CCDC3: variants seen among roughly 807,000 people sequenced by gnomAD.
CCDC3 encodes the protein coiled-coil domain containing 3.
A neutral mutation model predicts 21.4 loss-of-function variants in CCDC3; 24 were observed. That is an observed-to-expected ratio of 1.12 (90% CI 0.81 to 1.58). CCDC3 has a LOEUF of 1.58. Among genes scored for constraint, CCDC3 ranks in the 40% most tolerant of loss-of-function variants. The pLI is 0.00. For synonymous variants in CCDC3, 186 were observed against 166.0 expected (o/e 1.12, Z -0.93); for missense variants, 425 against 360.9 (o/e 1.18, Z -1.44).
At chr10:13,055,336 CTT>C (rs111754885) in intron 4 of CCDC3, among the ~76,000 whole-genome samples, 1 of 145,736 alleles carries the variant, frequency 6.9e-6, no homozygotes, top group Non-Finnish European at 1.5e-5. Context: ...GAATCCACTT[CTT>C]TTTTTTTTTT....
chr10:12,987,938 T>C (rs1047224123), intron 2 of CCDC3, among the ~76,000 whole-genome samples: 1 of 152,142 alleles, frequency 6.6e-6, no homozygotes, highest in Non-Finnish European at 1.5e-5. Flanking sequence ...GTTCCAGTGG[T>C]TTCCCAACTG....
At chr10:13,075,765 C>T (rs1349964489) in intron 3 of CCDC3, among the ~76,000 whole-genome samples, 2 of 152,008 alleles carry the variant, frequency 1.3e-5, no homozygotes, top group African/African-American at 2.4e-5. Context: ...TGTGGGTAGG[C>T]GCACGGGCAT....
rs1253345264 is a variant in CCDC3, at chr10:13,090,087, C to G, written c.-503+8438G>C. 2.5e-5 allele frequency among the ~76,000 whole-genome samples: 3 copies of G among 117,910 alleles called. No homozygotes were observed. In the South Asian group the frequency reaches 8.4e-4, roughly 33 times the overall value. 77.4% of individuals were successfully genotyped at this position (117,910 alleles called of 152,430 possible). A position where few individuals can be genotyped will look rare whatever the true frequency, so the allele number is the denominator to read the frequency against. ...TATATATATATATATATCACCGTTTCTTTCTTTTTTTTTTTTTTTTGTGTC... is the reference window on the plus strand; with the variant it reads ...TATATATATATATATATCACCGTTTGTTTCTTTTTTTTTTTTTTTTGTGTC... On this transcript the variant is annotated intron_variant, in intron 3 of 6. Transcript: ENST00000378839.
At chr10:12,953,384 C>A (rs1364522190) in intron 2 of CCDC3, among the ~76,000 whole-genome samples, 3 of 152,176 alleles carry the variant, frequency 2.0e-5, no homozygotes, top group Non-Finnish European at 2.9e-5. Flanking sequence ...CCCTATCAGA[C>A]CCCCTCCCGC....
chr10:12,985,878 T>G (rs899346378), intron 2 of CCDC3, among the ~76,000 whole-genome samples: 1 of 152,112 alleles, frequency 6.6e-6, no homozygotes, highest in Admixed American at 6.5e-5. Context: ...CATCGAGTTT[T>G]TTATTTGTTT....
intron 2 of CCDC3, among the ~76,000 whole-genome samples, chr10:12,901,372 C>T (rs745476275): frequency 1.3e-5 from 2 of 152,084 alleles, no homozygotes; most frequent in African/African-American, 2.4e-5. Context: ...CGGGTTCAAG[C>T]GATTCTCCTG....
intron 2 of CCDC3, among the ~76,000 whole-genome samples, chr10:12,966,491 G>C (rs1835265026): frequency 6.6e-6 from 1 of 152,080 alleles, no homozygotes. Flanking sequence ...TTGCAAACAG[G>C]AACAAAGCAT....
chr10:13,072,381 T>G (rs1035208630), intron 4 of CCDC3, among the ~76,000 whole-genome samples: 4 of 152,152 alleles, frequency 2.6e-5, no homozygotes, highest in Non-Finnish European at 4.4e-5. Flanking sequence ...CTAACCGCCG[T>G]TGGATGTACT....
chr10:13,079,927 A>G (rs1293531173), intron 3 of CCDC3, among the ~76,000 whole-genome samples: 3 of 152,226 alleles, frequency 2.0e-5, no homozygotes, highest in Non-Finnish European at 4.4e-5. Context: ...TAAAAAAAGA[A>G]AGGGAACTCA....
intron 5 of CCDC3, among the ~76,000 whole-genome samples, chr10:13,039,036 G>A (rs957162914): frequency 3.3e-5 from 5 of 152,222 alleles, no homozygotes; most frequent in African/African-American, 4.8e-5. Flanking sequence ...AAAATATCTC[G>A]GAGAGCTCAA....
At chr10:13,073,538 G>C (rs955549066) in intron 4 of CCDC3, among the ~76,000 whole-genome samples, 3 of 110,404 alleles carry the variant, frequency 2.7e-5, no homozygotes, top group African/African-American at 8.4e-5. Context: ...ATCTCACTCT[G>C]TCACCCAGGC....
upstream of CCDC3, among the ~76,000 whole-genome samples, chr10:13,002,875 T>A (rs1222504189): frequency 6.6e-6 from 1 of 152,216 alleles, no homozygotes; most frequent in African/African-American, 2.4e-5. Flanking sequence ...ACCTTCTCAC[T>A]GTGTCCTCAC....
At chr10:13,006,351 T>C (rs574508838), upstream of CCDC3, among the ~76,000 whole-genome samples, 1 of 152,324 alleles carries the variant, frequency 6.6e-6, no homozygotes, top group African/African-American at 2.4e-5. Context: ...CCAGGAAAGA[T>C]ACTACATCTA....
Position 13,082,731 on chromosome 10 carries a change from C to T in CCDC3, c.-502-8631G>A, listed in dbSNP as rs187735043. On this transcript the variant is annotated intron_variant, in intron 3 of 6. Coordinates refer to the CCDC3 transcript ENST00000378839. ...CAAGGAGCCCTCTAGTGGCCCTATC[C>T]GGGCGTGACAGAGGGCTCACACTTG... Among the ~76,000 whole-genome samples, 13 of 152,356 alleles carry T rather than the reference C, an allele frequency of 8.5e-5. No homozygotes were observed. The East Asian group carries it at 1.5e-3, about 18-fold the overall frequency.
intron 2 of CCDC3, among the ~76,000 whole-genome samples, chr10:12,916,707 C>A (rs185659267): frequency 6.4e-4 from 97 of 152,318 alleles, no homozygotes; most frequent in Middle Eastern, 3.4e-3. Flanking sequence ...GTGGACCAAC[C>A]TGGCTCACAT....
At chr10:13,050,196 TG>T (rs1287001120) in intron 4 of CCDC3, among the ~76,000 whole-genome samples, 1 of 152,058 alleles carries the variant, frequency 6.6e-6, no homozygotes, top group African/African-American at 2.4e-5. Context: ...GGTGTGGAAT[TG>T]GGGGCAGGGC....
chr10:12,972,449 C>T (rs190198068), intron 2 of CCDC3, among the ~76,000 whole-genome samples: 13 of 152,274 alleles, frequency 8.5e-5, no homozygotes, highest in Admixed American at 7.2e-4. Context: ...CACCCTCCTA[C>T]TACCTACCAA....
At chr10:12,989,404 CATTA>C (rs1403150084) in intron 2 of CCDC3, among the ~76,000 whole-genome samples, 1 of 152,282 alleles carries the variant, frequency 6.6e-6, no homozygotes, top group East Asian at 1.9e-4. Flanking sequence ...TTCATTCATT[CATTA>C]CTCACTCATT....
chr10:12,987,631 A>G (rs1293841599), intron 2 of CCDC3, among the ~76,000 whole-genome samples: 2 of 152,204 alleles, frequency 1.3e-5, no homozygotes, highest in Admixed American at 6.5e-5. Context: ...TTTCTGCCTT[A>G]AAACTATTTT....
Sources: gnomAD v4.1 joint callset for allele counts (sites outside exome capture counted in the v4.1 genomes callset) on GRCh38, gnomAD v4.1.1 for gene constraint, MANE v1.5 for transcripts, NCBI Gene and HGNC (gene_info 2026-07-23, HGNC 2026-07-21) for gene names.